EXOC6: variants seen among roughly 807,000 people sequenced by gnomAD.
EXOC6 encodes SEC15-like 1.
A neutral mutation model predicts 112.5 loss-of-function variants in EXOC6; 60 were observed. That is an observed-to-expected ratio of 0.53 (90% CI 0.43 to 0.66). The LOEUF is 0.66. Ranked by LOEUF, EXOC6 falls within the 30% of genes least tolerant of loss-of-function variation. The pLI is 0.00. For missense variants in EXOC6, 855 were observed against 957.1 expected (o/e 0.89, Z 1.41); for synonymous variants, 295 against 308.0 (o/e 0.96, Z 0.44).
chr10:92,891,325 A>G (rs1849488052), intron 1 of EXOC6, among the ~76,000 whole-genome samples: 1 of 152,220 alleles, frequency 6.6e-6, no homozygotes, highest in Admixed American at 6.5e-5. Flanking sequence ...TAAAGCTACA[A>G]GTCAAGATGA....
intron 20 of EXOC6, among the ~76,000 whole-genome samples, chr10:93,039,989 T>C (rs1405375434): frequency 6.6e-6 from 1 of 152,208 alleles, no homozygotes. Context: ...CATTTCTATT[T>C]GTAGACCATT....
intron 20 of EXOC6, among the ~76,000 whole-genome samples, chr10:93,023,833 T>C (rs1310683961): frequency 6.6e-6 from 1 of 152,134 alleles, no homozygotes; most frequent in African/African-American, 2.4e-5. Context: ...TATTCAGTGA[T>C]AATTTTTTAT....
At chr10:93,024,266 A>G (rs1243347169) in intron 20 of EXOC6, among the ~76,000 whole-genome samples, 1 of 152,228 alleles carries the variant, frequency 6.6e-6, no homozygotes, top group Non-Finnish European at 1.5e-5. Flanking sequence ...TCCTTTGCCC[A>G]AAGAATGCTG....
intron 18 of EXOC6, among the ~76,000 whole-genome samples, chr10:92,979,694 C>T (rs1164480767): frequency 6.6e-6 from 1 of 152,086 alleles, no homozygotes; most frequent in African/African-American, 2.4e-5. Context: ...CTTTGGGAGG[C>T]TGAGGCAGGA....
At chr10:92,859,163 G>A (rs1847774773) in intron 1 of EXOC6, among the ~76,000 whole-genome samples, 1 of 152,130 alleles carries the variant, frequency 6.6e-6, no homozygotes, top group African/African-American at 2.4e-5. Context: ...GGACGATTTA[G>A]ATAACGTAGC....
chr10:92,942,523 C>A (rs1450600326), intron 13 of EXOC6, among the ~76,000 whole-genome samples: 3 of 151,914 alleles, frequency 2.0e-5, no homozygotes, highest in Non-Finnish European at 4.4e-5. Flanking sequence ...GGATGCTATC[C>A]CAGATGGATA....
chr10:93,049,920 T>C (rs835277), intron 20 of EXOC6, among the ~76,000 whole-genome samples: 19,690 of 152,146 alleles, frequency 0.13, 1,426 homozygotes, highest in African/African-American at 0.18. Context: ...CTAATGGCTA[T>C]GGGGTTTCTT....
intron 20 of EXOC6, among the ~76,000 whole-genome samples, chr10:93,024,319 G>GAAGCTTTGGGAACAGTGT (rs1844920446): frequency 9.2e-5 from 14 of 152,260 alleles, no homozygotes; most frequent in Admixed American, 8.5e-4. Flanking sequence ...TTCCCAAAGG[G>GAAGCTTTGGGAACAGTGT]TCTTTCCAGG....
Position 92,858,667 on chromosome 10 carries a change from T to G in EXOC6, c.101+10033T>G, listed in dbSNP as rs747094973. Among the ~76,000 whole-genome samples, 44 of 152,214 alleles carry G rather than the reference T, an allele frequency of 2.9e-4. 1 individual carries two copies. The highest frequency in any genetic ancestry group is 1.0e-3 in the Admixed American group (16 of 15,282). On this transcript the variant is annotated intron_variant, in intron 1 of 21. Coordinates refer to ENST00000260762, the MANE Select transcript of EXOC6 (RefSeq NM_019053.6). The stretch of plus-strand genomic sequence containing the variant: ...CATTGTCATCATACTTTCCTTTGCT[T>G]CTTCTTTTTAGTTCTGTGAGCATAG...
chr10:92,918,486 C>T (rs890176170), intron 7 of EXOC6, among the ~76,000 whole-genome samples: 4 of 151,396 alleles, frequency 2.6e-5, no homozygotes, highest in Admixed American at 2.6e-4. Flanking sequence ...ATAATCATGG[C>T]TTACTGTAAC....
At chr10:92,846,012 A>G (rs2133603730), upstream of EXOC6, among the ~76,000 whole-genome samples, 1 of 152,380 alleles carries the variant, frequency 6.6e-6, no homozygotes, top group African/African-American at 2.4e-5. Flanking sequence ...ATTCTTAGCT[A>G]AAACCTCCAG....
intron 9 of EXOC6, among the ~76,000 whole-genome samples, chr10:92,931,110 C>A (rs2133943996): frequency 1.3e-5 from 1 of 79,582 alleles, no homozygotes; most frequent in Non-Finnish European, 2.1e-5. Flanking sequence ...GACTCCATCT[C>A]AGAAGAAAAA....
intron 4 of EXOC6, among the ~76,000 whole-genome samples, chr10:92,896,181 ATTTTTTTTTTTT>A (rs58783356): frequency 0.061 from 623 of 10,138 alleles, 33 homozygotes; most frequent in Admixed American, 0.17. Context: ...ATATATATAT[ATTTTTTTTTTTT>A]TTTTTTTTTT....
chr10:92,997,727 G>T, intron 19 of EXOC6, 112 bp downstream of exon 19: 1 of 932,894 alleles, frequency 1.1e-6, no homozygotes, highest in Non-Finnish European at 1.5e-6. Flanking sequence ...GCCTGGTTCA[G>T]CTAAACTTTT....
At chr10:92,855,350 C>A (rs1847549464) in intron 1 of EXOC6, among the ~76,000 whole-genome samples, 2 of 152,158 alleles carry the variant, frequency 1.3e-5, no homozygotes, top group Admixed American at 6.5e-5. Flanking sequence ...GCATGTTCCA[C>A]CATGCCCAGC....
intron 18 of EXOC6, among the ~76,000 whole-genome samples, chr10:92,980,770 A>G (rs7082214): frequency 0.46 from 69,920 of 152,080 alleles, 17,003 homozygotes; most frequent in African/African-American, 0.61. Flanking sequence ...TTTTAAATGT[A>G]TAAGTTTCCC....
chr10:92,930,624 A>G (rs1320730174), intron 9 of EXOC6, among the ~76,000 whole-genome samples: 1 of 152,150 alleles, frequency 6.6e-6, no homozygotes, highest in Non-Finnish European at 1.5e-5. Context: ...ACTTCTTTCA[A>G]CAATTAAAGG....
At chr10:92,998,426 C>T in intron 19 of EXOC6, among the ~76,000 whole-genome samples, 1 of 151,978 alleles carries the variant, frequency 6.6e-6, no homozygotes, top group East Asian at 1.9e-4. Context: ...GAAAAATTTG[C>T]AATAATGTAT....
chr10:92,886,944 A>G lies in EXOC6; in HGVS notation c.102-6405A>G, dbSNP rs1458496440. 3.3e-5 allele frequency among the ~76,000 whole-genome samples: 5 copies of G among 152,316 alleles called. No homozygotes were observed. In the East Asian group the frequency reaches 7.7e-4, roughly 23 times the overall value. Reference sequence around the variant, plus strand: ...GTAAAGCACTTAATACATAATAAGTACTTGGTTGGTTGTTATTATTTTTAT... The same window carrying G: ...GTAAAGCACTTAATACATAATAAGTGCTTGGTTGGTTGTTATTATTTTTAT... On this transcript the variant is annotated intron_variant, in intron 1 of 21. Coordinates refer to ENST00000260762, the MANE Select transcript of EXOC6 (RefSeq NM_019053.6).
Sources: gnomAD v4.1 joint callset for allele counts (sites outside exome capture counted in the v4.1 genomes callset) on GRCh38, gnomAD v4.1.1 for gene constraint, MANE v1.5 for transcripts, NCBI Gene and HGNC (gene_info 2026-07-23, HGNC 2026-07-21) for gene names.